Variants in ADCY5 observed in about 807,000 individuals in gnomAD.
ADCY5 encodes the protein adenylate cyclase 5, also known as adenylate cyclase type 5.
ADCY5 carries 30 observed loss-of-function variants against 119.7 expected under a neutral mutation model. The ratio of observed to expected loss-of-function variants is 0.25; its 90% confidence interval spans 0.19 to 0.34. The LOEUF (loss-of-function observed/expected upper bound fraction) is 0.34. ADCY5 is among the 10% of genes least tolerant of loss of function. ADCY5 has a pLI of 1.00. For missense variants in ADCY5, 1,324 were observed against 1,775.2 expected, an observed-to-expected ratio of 0.75 and a Z score of 4.57; for synonymous variants, 753 against 762.2, an observed-to-expected ratio of 0.99 and a Z score of 0.20.
Position 123,283,693 on chromosome 3 carries a change from G to GACAT in ADCY5, c.*911_*914dup, listed in dbSNP as rs1480780342. On this transcript the variant is annotated 3_prime_UTR_variant, in exon 21 of 21. Transcript: ENST00000462833. ...ACACATATACACCAGTACATACACC[G>GACAT]ACATACACACAGTACAAATGAGCAC... 1.3e-5 allele frequency: 2 copies of GACAT among 151,918 alleles called. No individual in the cohort carries two copies. The highest frequency in any genetic ancestry group is 2.1e-4 in the South Asian group (1 of 4,804). The allele number at this position is 151,918 out of a possible 1,614,324, so 9.4% of individuals were successfully genotyped here. A position where few individuals can be genotyped will look rare whatever the true frequency, so the allele number is the denominator to read the frequency against.
At chr3:123,333,041 G>A (rs894764789) in intron 3 of ADCY5, among the ~76,000 whole-genome samples, 7 of 151,918 alleles carry the variant, frequency 4.6e-5, no homozygotes, top group Admixed American at 1.3e-4. Flanking sequence ...TTACAGCCAC[G>A]AGCCACCACA....
In ADCY5 at chr3:123,352,308, C is replaced by A. The variant is rs1255445467; in HGVS notation, c.1284+124G>T. 2 of 1,263,814 alleles carry A rather than the reference C, an allele frequency of 1.6e-6. No individual in the cohort carries two copies. Among genetic ancestry groups the A allele is most frequent in the South Asian group, 3.3e-5 (2 of 61,198 alleles). 78.3% of individuals were successfully genotyped at this position (1,263,814 alleles called of 1,614,324 possible). ...GGGGAAACATTCCCCATGGGTTGGT[C>A]CCCTCCCGGGGAGTGGGGCTGGCAG... On this transcript the variant is annotated intron_variant, in intron 2 of 20. Transcript: ENST00000462833. This position sits in a 1 kb window ranked among gnomAD's most constrained non-coding sequence, Gnocchi z 4.8.
At chr3:123,373,766 C>T (rs190536598) in intron 1 of ADCY5, among the ~76,000 whole-genome samples, 6 of 33,646 alleles carry the variant, frequency 1.8e-4, no homozygotes, top group East Asian at 0.042. Context: ...ACGCCCCCCC[C>T]CCCCCGACCC....
intron 8 of ADCY5, among the ~76,000 whole-genome samples, chr3:123,324,594 A>C (rs1385811470): frequency 6.6e-6 from 1 of 152,140 alleles, no homozygotes; most frequent in Non-Finnish European, 1.5e-5. Flanking sequence ...AGGAGAGGAA[A>C]CACCACTGCA....
At chr3:123,359,788 T>C (rs1943182567) in intron 1 of ADCY5, among the ~76,000 whole-genome samples, 1 of 152,154 alleles carries the variant, frequency 6.6e-6, no homozygotes, top group South Asian at 2.1e-4. Context: ...TCCTTCCTGT[T>C]CTAGTCCTTT....
At chr3:123,403,937 G>A (rs529696552) in intron 1 of ADCY5, among the ~76,000 whole-genome samples, 13 of 152,252 alleles carry the variant, frequency 8.5e-5, no homozygotes, top group Admixed American at 5.2e-4. Context: ...TCTCTCTCCT[G>A]TAGCCTTCCT....
intron 1 of ADCY5, among the ~76,000 whole-genome samples, chr3:123,360,151 A>G (rs1241001341): frequency 6.6e-6 from 1 of 152,044 alleles, no homozygotes; most frequent in Non-Finnish European, 1.5e-5. Flanking sequence ...CAAAGAATCA[A>G]GATTGCTGTT....
At chr3:123,394,605 G>A (rs557113983) in intron 1 of ADCY5, among the ~76,000 whole-genome samples, 1 of 152,196 alleles carries the variant, frequency 6.6e-6, no homozygotes. Flanking sequence ...GGATGGGGGC[G>A]GGGCAGAGCC....
chr3:123,292,486 T>C (rs1457022225), intron 17 of ADCY5, among the ~76,000 whole-genome samples: 1 of 152,090 alleles, frequency 6.6e-6, no homozygotes, highest in Non-Finnish European at 1.5e-5. Context: ...GGAATGTGGC[T>C]GTGAGGACTG....
chr3:123,376,510 T>C (rs574227374), intron 1 of ADCY5, among the ~76,000 whole-genome samples: 1 of 152,058 alleles, frequency 6.6e-6, no homozygotes, highest in Non-Finnish European at 1.5e-5. Context: ...AAAGTGTCAT[T>C]AGAAGGAGGG....
At chr3:123,297,470 G>T in intron 15 of ADCY5, 88 bp from the exon 16 acceptor site, 1 of 1,415,348 alleles carries the variant, frequency 7.1e-7, no homozygotes, top group Non-Finnish European at 1.0e-6. Context: ...GCCCTGCTCT[G>T]CTGTCCCCAC....
Position 123,447,751 on chromosome 3 carries a change from C to T in ADCY5, c.795G>A (p.Pro265=). 6.2e-7 allele frequency: 1 copy of T among 1,602,532 alleles called. No individual in the cohort carries two copies. The highest frequency in any genetic ancestry group is 8.5e-7 in the Non-Finnish European group (1 of 1,172,988). Residue 265 remains proline, a synonymous_variant, in exon 1 of 21, where the codon CCG becomes CCA. Coordinates refer to ENST00000462833, the MANE Select transcript of ADCY5 (RefSeq NM_183357.3). ...GCACGGCCAGGTAGGGCAGCTGGAGCGGGGGCCGCGCCGCGTGGAAGGCCA... is the reference window on the plus strand; with the variant it reads ...GCACGGCCAGGTAGGGCAGCTGGAGTGGGGGCCGCGCCGCGTGGAAGGCCA... The part of the protein sequence containing the change: ...VMLAFHAARP[P]LQLPYLAVLA...
At chr3:123,351,537 A>G (rs1292641152) in intron 2 of ADCY5, among the ~76,000 whole-genome samples, 1 of 152,184 alleles carries the variant, frequency 6.6e-6, no homozygotes, top group Non-Finnish European at 1.5e-5. Flanking sequence ...ATGGGAGGGA[A>G]GGCCTCCGGT....
chr3:123,347,132 T>C (rs1942602205), intron 3 of ADCY5, among the ~76,000 whole-genome samples: 1 of 152,126 alleles, frequency 6.6e-6, no homozygotes. Flanking sequence ...TCTTTCTCCA[T>C]GACTGGCTTT....
At chr3:123,395,256 T>A (rs1317351072) in intron 1 of ADCY5, among the ~76,000 whole-genome samples, 3 of 152,138 alleles carry the variant, frequency 2.0e-5, no homozygotes, top group Non-Finnish European at 4.4e-5. Flanking sequence ...TCCATGTGGC[T>A]CCACAATGGC....
In ADCY5 at chr3:123,332,573, C is replaced by T; in HGVS notation, c.1509G>A (p.Lys503=). Residue 503 remains lysine, a synonymous_variant, in exon 4 of 21, where the codon AAG becomes AAA. Coordinates refer to ENST00000462833, the MANE Select transcript of ADCY5 (RefSeq NM_183357.3). ...TLNELFARFD[K]LAAENHCLRI... ...GCTCAGGGTGACTCACTGCGGCCAG[C>T]TTGTCAAAGCGGGCGAAGAGCTCGT... 6 of 1,612,644 alleles carry T rather than the reference C, an allele frequency of 3.7e-6. No individual in the cohort carries two copies. Among genetic ancestry groups the T allele is most frequent in the Non-Finnish European group, 5.1e-6 (6 of 1,179,080 alleles).
intron 17 of ADCY5, among the ~76,000 whole-genome samples, chr3:123,292,062 C>A (rs1442677986): frequency 6.6e-6 from 1 of 152,210 alleles, no homozygotes; most frequent in South Asian, 2.1e-4. Context: ...AAGGACAGGG[C>A]AGATCCCTCG....
At chr3:123,304,338 G>A (rs1011744206) in intron 12 of ADCY5, among the ~76,000 whole-genome samples, 155 bp from the exon 13 acceptor site, 1 of 152,172 alleles carries the variant, frequency 6.6e-6, no homozygotes, top group East Asian at 1.9e-4. Context: ...AGCCTGCAAG[G>A]CTCCAGCCTT....
intron 1 of ADCY5, among the ~76,000 whole-genome samples, chr3:123,446,672 A>C (rs1945820771): frequency 6.6e-6 from 1 of 152,216 alleles, no homozygotes; most frequent in African/African-American, 2.4e-5. Context: ...AAATCCCAGC[A>C]GGGATAAAAT....
Sources: allele counts gnomAD v4.1 joint callset (sites outside exome capture counted in the v4.1 genomes callset), GRCh38; gene constraint gnomAD v4.1.1; non-coding constraint Gnocchi (gnomAD v3.1); transcripts MANE v1.5; gene names NCBI Gene and HGNC (gene_info 2026-07-23, HGNC 2026-07-21).